AGBL1: variants seen among roughly 807,000 people sequenced by gnomAD.
AGBL1 encodes AGBL carboxypeptidase 1.
AGBL1 carries 130 observed loss-of-function variants against 118.9 expected under a neutral mutation model. The observed-to-expected ratio is 1.09, with a 90% CI of 0.95 to 1.26. The LOEUF (loss-of-function observed/expected upper bound fraction) is 1.26. AGBL1 is among the 50% of genes most tolerant of loss of function. The probability of loss-of-function intolerance (pLI) is 0.00; values close to 1 mark genes in which losing one functional copy is unlikely to be tolerated. For missense variants in AGBL1, 1,584 were observed against 1,298.1 expected (o/e 1.22, Z -3.38); for synonymous variants, 555 against 478.9 (o/e 1.16, Z -2.08).
chr15:86,797,958 T>C (rs2078596543), intron 22 of AGBL1, among the ~76,000 whole-genome samples: 1 of 152,180 alleles, frequency 6.6e-6, no homozygotes, highest in Non-Finnish European at 1.5e-5. Context: ...AGAAATTTAT[T>C]AAGGGCAATT....
intron 18 of AGBL1, among the ~76,000 whole-genome samples, chr15:86,466,084 C>T (rs111948741): frequency 2.6e-5 from 4 of 152,100 alleles, no homozygotes; most frequent in African/African-American, 7.2e-5. Flanking sequence ...TCAGACCGGC[C>T]GACACTTAGG....
At chr15:86,693,496 A>T (rs1431135240) in intron 22 of AGBL1, among the ~76,000 whole-genome samples, 1 of 151,854 alleles carries the variant, frequency 6.6e-6, no homozygotes, top group South Asian at 2.1e-4. Context: ...TAGATTCTGG[A>T]TATTAGTCCT....
intron 17 of AGBL1, among the ~76,000 whole-genome samples, chr15:86,388,190 A>G (rs1567231170): frequency 6.6e-6 from 1 of 152,244 alleles, no homozygotes; most frequent in East Asian, 1.9e-4. Flanking sequence ...GCCAGCTCAC[A>G]CTTCGTTGTT....
At chr15:86,882,250 G>A (rs770690519) in intron 22 of AGBL1, among the ~76,000 whole-genome samples, 1 of 152,134 alleles carries the variant, frequency 6.6e-6, no homozygotes, top group Non-Finnish European at 1.5e-5. Context: ...AATTAAATAA[G>A]TGGGGTGGTA....
At chr15:86,506,350 T>C (rs1461724637) in intron 18 of AGBL1, among the ~76,000 whole-genome samples, 2 of 152,038 alleles carry the variant, frequency 1.3e-5, no homozygotes, top group African/African-American at 4.8e-5. Context: ...TAGTTTTAAG[T>C]TCGGTGGTTT....
intron 21 of AGBL1, among the ~76,000 whole-genome samples, chr15:86,664,547 A>G (rs967893616): frequency 5.3e-5 from 8 of 152,166 alleles, no homozygotes; most frequent in Non-Finnish European, 1.0e-4. Context: ...TTGGAGGGAC[A>G]ATACTAAGGA....
At chr15:86,528,134 T>C (rs2083292587) in intron 19 of AGBL1, among the ~76,000 whole-genome samples, 1 of 152,206 alleles carries the variant, frequency 6.6e-6, no homozygotes, top group Non-Finnish European at 1.5e-5. Flanking sequence ...ACAGCTCCGG[T>C]CTACAGCTCC....
At chr15:86,476,433 A>T (rs1269641603) in intron 18 of AGBL1, among the ~76,000 whole-genome samples, 1 of 152,218 alleles carries the variant, frequency 6.6e-6, no homozygotes, top group Non-Finnish European at 1.5e-5. Context: ...TTGCAATCCT[A>T]GTCTCTAATA....
At chr15:86,292,694 G>C (rs1015178443) in intron 16 of AGBL1, among the ~76,000 whole-genome samples, 5 of 152,062 alleles carry the variant, frequency 3.3e-5, no homozygotes, top group African/African-American at 4.8e-5. Flanking sequence ...ATTAGGGTTG[G>C]GTAAGGATCA....
chr15:86,468,135 G>T (rs937654599), intron 18 of AGBL1, among the ~76,000 whole-genome samples: 6 of 152,082 alleles, frequency 3.9e-5, no homozygotes, highest in Non-Finnish European at 7.3e-5. Flanking sequence ...CTTCCTACCT[G>T]CAGATACTTG....
At chr15:86,988,161 T>TACATTGGGACTGGAC in intron 24 of AGBL1, 1 of 1,560,398 alleles carries the variant, frequency 6.4e-7, no homozygotes, top group Admixed American at 1.7e-5. Context: ...TGCATGTGAC[T>TACATTGGGACTGGAC]ACATTGGGAC....
At chr15:86,299,374 T>C (rs1022646219) in intron 17 of AGBL1, among the ~76,000 whole-genome samples, 3 of 152,096 alleles carry the variant, frequency 2.0e-5, no homozygotes, top group Admixed American at 6.6e-5. Context: ...CAGCCTGGCA[T>C]CAGGGACTCT....
At chr15:86,179,002 G>C (rs1477722301) in intron 5 of AGBL1, among the ~76,000 whole-genome samples, 1 of 152,184 alleles carries the variant, frequency 6.6e-6, no homozygotes, top group African/African-American at 2.4e-5. Context: ...AGAGGATATA[G>C]GTTAGCATCA....
chr15:86,224,241 G>T (rs1241651720), intron 5 of AGBL1, among the ~76,000 whole-genome samples: 1 of 152,124 alleles, frequency 6.6e-6, no homozygotes, highest in African/African-American at 2.4e-5. Flanking sequence ...ATTTTTGTGT[G>T]ACCTTCTCAG....
chr15:86,871,985 G>A (rs2079735610), intron 22 of AGBL1, among the ~76,000 whole-genome samples: 1 of 152,206 alleles, frequency 6.6e-6, no homozygotes, highest in Admixed American at 6.5e-5. Flanking sequence ...CAAAAACCCT[G>A]TGGTATTCAT....
At chr15:86,972,783 C>T (rs1316316842) in intron 23 of AGBL1, among the ~76,000 whole-genome samples, 1 of 152,002 alleles carries the variant, frequency 6.6e-6, no homozygotes, top group Non-Finnish European at 1.5e-5. Context: ...TCATTGTATG[C>T]TAATCTATTG....
At chr15:86,369,345 G>A (rs1051984332) in intron 17 of AGBL1, among the ~76,000 whole-genome samples, 2 of 152,154 alleles carry the variant, frequency 1.3e-5, no homozygotes, top group Non-Finnish European at 2.9e-5. Flanking sequence ...TTTGGGGAGT[G>A]CAGATGCATT....
intron 21 of AGBL1, among the ~76,000 whole-genome samples, chr15:86,639,049 C>G (rs762411076): frequency 1.3e-5 from 2 of 152,188 alleles, no homozygotes; most frequent in Non-Finnish European, 2.9e-5. Flanking sequence ...CTGCAGCTCA[C>G]TTCATCCATC....
chr15:86,623,421 C>A (rs1208797978), intron 21 of AGBL1, among the ~76,000 whole-genome samples: 1 of 152,208 alleles, frequency 6.6e-6, no homozygotes, highest in Admixed American at 6.5e-5. Context: ...ATTGAGACCA[C>A]TGTGGCTGGT....
Sources: allele counts gnomAD v4.1 joint callset (sites outside exome capture counted in the v4.1 genomes callset), GRCh38; gene constraint gnomAD v4.1.1; transcripts MANE v1.5; gene names NCBI Gene and HGNC (gene_info 2026-07-23, HGNC 2026-07-21).